The following TFPI variants were observed in gnomAD, a reference collection of about 807,000 sequenced individuals.
TFPI encodes anti-convertin.
Under a neutral mutation model 34.6 loss-of-function variants are expected in TFPI, and 15 were observed. That is an observed-to-expected ratio of 0.43 (90% CI 0.29 to 0.67). The LOEUF is 0.67. TFPI is among the 30% of genes least tolerant of loss of function. TFPI has a pLI of 0.15. For synonymous variants in TFPI, 105 were observed against 120.1 expected (o/e 0.87, Z 0.82); for missense variants, 301 against 364.0 (o/e 0.83, Z 1.41).
In TFPI at chr2:187,464,420, A is replaced by G. The variant is rs1350166474; in HGVS notation, c.*2516T>C. On this transcript the variant is annotated 3_prime_UTR_variant, in exon 8 of 8. Transcript: ENST00000233156. ...TGCACTTAATTGTGGAAAATAAAGG[A>G]AGACAATAACATCAAGATCTTTTTC... 1 of 152,184 alleles carries G rather than the reference A, an allele frequency of 6.6e-6. No homozygotes were observed. Among genetic ancestry groups the G allele is most frequent in the Non-Finnish European group, 1.5e-5 (1 of 68,018 alleles). 9.4% of individuals were successfully genotyped at this position (152,184 alleles called of 1,614,324 possible). A position where few individuals can be genotyped will look rare whatever the true frequency, so the allele number is the denominator to read the frequency against.
At chr2:187,524,855 CAAAG>C in intron 1 of TFPI, among the ~76,000 whole-genome samples, 1 of 151,700 alleles carries the variant, frequency 6.6e-6, no homozygotes, top group East Asian at 1.9e-4. Context: ...TTTTTCAAGT[CAAAG>C]AAAACAGATA....
chr2:187,500,700 G>C (rs1264986968), intron 2 of TFPI, among the ~76,000 whole-genome samples: 1 of 151,964 alleles, frequency 6.6e-6, no homozygotes, highest in African/African-American at 2.4e-5. Context: ...ATTTCTTATA[G>C]AAATCCTGTA....
intron 2 of TFPI, among the ~76,000 whole-genome samples, chr2:187,497,573 G>GA (rs1432627708): frequency 6.6e-6 from 1 of 151,844 alleles, no homozygotes; most frequent in Non-Finnish European, 1.5e-5. Context: ...TTGATGTTCT[G>GA]AAAAATATAC....
At chr2:187,496,156 G>C (rs1185231234) in intron 3 of TFPI, among the ~76,000 whole-genome samples, 3 of 151,996 alleles carry the variant, frequency 2.0e-5, no homozygotes, top group Non-Finnish European at 4.4e-5. Flanking sequence ...AAGTCCACAA[G>C]GGTCATCAGG....
At chr2:187,505,816 A>G (rs1192224900) in intron 1 of TFPI, among the ~76,000 whole-genome samples, 1 of 152,086 alleles carries the variant, frequency 6.6e-6, no homozygotes, top group Non-Finnish European at 1.5e-5. Flanking sequence ...ATGTAATAGC[A>G]TGGCAAATAT....
chr2:187,538,034 G>C (rs536932300), intron 1 of TFPI, among the ~76,000 whole-genome samples: 1 of 152,172 alleles, frequency 6.6e-6, no homozygotes, highest in African/African-American at 2.4e-5. Context: ...TCCACAGTGA[G>C]ATACCATCTC....
chr2:187,484,826 T>C lies in TFPI; in HGVS notation c.520A>G (p.Ile174Val). ...NFETLEECKNICEDGPNGFQV... is the reference protein window; with the variant it reads ...NFETLEECKNVCEDGPNGFQV... ...ATAAACTTACGACCATCTTCACAAATGTTCTTGCATTCTTCCAGTGTCTCA... is the reference window on the plus strand; with the variant it reads ...ATAAACTTACGACCATCTTCACAAACGTTCTTGCATTCTTCCAGTGTCTCA... Residue 174 changes from isoleucine to valine, a missense_variant, in exon 5 of 8, where the codon ATT becomes GTT. Ile to Val is a conservative substitution (Grantham distance 29). Transcript: ENST00000233156. 1.3e-6 allele frequency: 2 copies of C among 1,586,640 alleles called. No individual in the cohort carries two copies. Among genetic ancestry groups the C allele is most frequent in the Non-Finnish European group, 1.7e-6 (2 of 1,170,924 alleles).
chr2:187,484,231 A>C lies in TFPI; in HGVS notation c.536-15T>G, dbSNP rs1693090490. Reference sequence around the variant, plus strand: ...GAAACCATTCGCTGGAAAAAAATACAGCCAATTAAAATAGATAAACATTGT... The same window carrying C: ...GAAACCATTCGCTGGAAAAAAATACCGCCAATTAAAATAGATAAACATTGT... On this transcript the variant is annotated splice_polypyrimidine_tract_variant and intron_variant, in intron 5 of 7. Coordinates refer to ENST00000233156, the MANE Select transcript of TFPI (RefSeq NM_006287.6). The C allele has an allele frequency of 6.2e-7, 1 of 1,605,344 alleles. No individual in the cohort carries two copies. Among genetic ancestry groups the C allele is most frequent in the Non-Finnish European group, 8.5e-7 (1 of 1,173,464 alleles).
intron 6 of TFPI, among the ~76,000 whole-genome samples, chr2:187,483,245 C>T (rs1280185081): frequency 6.6e-6 from 1 of 151,598 alleles, no homozygotes; most frequent in Non-Finnish European, 1.5e-5. Context: ...CTGGCCCAAA[C>T]ACTGTTTCTT....
intron 6 of TFPI, among the ~76,000 whole-genome samples, chr2:187,472,489 A>G (rs998762156): frequency 6.6e-6 from 1 of 152,182 alleles, no homozygotes; most frequent in Non-Finnish European, 1.5e-5. Flanking sequence ...ATATGCCTAC[A>G]ACGACATTTA....
intron 1 of TFPI, chr2:187,518,341 A>C (rs1278357624): frequency 6.6e-6 from 1 of 152,218 alleles, no homozygotes; most frequent in Non-Finnish European, 1.5e-5. Flanking sequence ...CCTGGTGGTG[A>C]CAAAATTTCT....
chr2:187,494,136 G>C (rs1489495033), intron 3 of TFPI, among the ~76,000 whole-genome samples: 1 of 152,118 alleles, frequency 6.6e-6, no homozygotes, highest in Non-Finnish European at 1.5e-5. Context: ...GATCATGTGA[G>C]ACCCATTCAC....
At chr2:187,502,764 C>T (rs973722862) in intron 2 of TFPI, among the ~76,000 whole-genome samples, 4 of 152,134 alleles carry the variant, frequency 2.6e-5, no homozygotes, top group Non-Finnish European at 4.4e-5. Flanking sequence ...TTCTTGAGCA[C>T]CTCATCTCAG....
intron 1 of TFPI, among the ~76,000 whole-genome samples, chr2:187,511,453 C>T (rs943960921): frequency 1.3e-4 from 19 of 151,992 alleles, no homozygotes; most frequent in African/African-American, 2.2e-4. Flanking sequence ...CTTTGTTTTG[C>T]GGTGTGCATG....
chr2:187,553,581 T>C (rs1689170056), intron 1 of TFPI, among the ~76,000 whole-genome samples: 2 of 152,168 alleles, frequency 1.3e-5, no homozygotes, highest in Non-Finnish European at 2.9e-5. Flanking sequence ...ATTGTTTTAA[T>C]TTACAAAATT....
At chr2:187,545,146 T>C (rs1688793935) in intron 1 of TFPI, among the ~76,000 whole-genome samples, 1 of 152,098 alleles carries the variant, frequency 6.6e-6, no homozygotes, top group African/African-American at 2.4e-5. Context: ...AATAATTGTT[T>C]CACTCTTTTA....
At chr2:187,552,664 T>C (rs1350499196) in intron 1 of TFPI, among the ~76,000 whole-genome samples, 6 of 151,956 alleles carry the variant, frequency 3.9e-5, no homozygotes, top group Admixed American at 3.3e-4. Flanking sequence ...GATTTAGTCA[T>C]TGGTGGTAAA....
chr2:187,469,048 A>C (rs1184627114), intron 6 of TFPI, among the ~76,000 whole-genome samples: 1 of 152,078 alleles, frequency 6.6e-6, no homozygotes, highest in Non-Finnish European at 1.5e-5. Flanking sequence ...CCAGATGAAC[A>C]GACTGTAAAA....
In TFPI at chr2:187,484,999, A is replaced by G. The variant is rs759144786; in HGVS notation, c.359-12T>C. On this transcript the variant is annotated splice_polypyrimidine_tract_variant and intron_variant, in intron 4 of 7. Coordinates refer to ENST00000233156, the MANE Select transcript of TFPI (RefSeq NM_006287.6). ...GAAATCTGGCTTTTCTAGAAATTAT[A>G]AAAATGTCAGAAAGCAATATTCTTT... The G allele has an allele frequency of 2.3e-5, 34 of 1,484,020 alleles. No homozygotes were observed. The highest frequency in any genetic ancestry group is 2.4e-5 in the Non-Finnish European group (27 of 1,119,438). The allele number at this position is 1,484,020 out of a possible 1,614,324, so 91.9% of individuals were successfully genotyped here.
Sources: gnomAD v4.1 joint callset for allele counts (sites outside exome capture counted in the v4.1 genomes callset) on GRCh38, gnomAD v4.1.1 for gene constraint, MANE v1.5 for transcripts, NCBI Gene and HGNC (gene_info 2026-07-23, HGNC 2026-07-21) for gene names.